Variants in LMAN1 observed in about 807,000 individuals in gnomAD.
The protein encoded by LMAN1 is protein ERGIC-53.
In LMAN1, 32 loss-of-function variants were observed where a neutral mutation model predicts 67.8. That is an observed-to-expected ratio of 0.47 (90% confidence interval 0.36 to 0.63). The LOEUF (loss-of-function observed/expected upper bound fraction) is 0.63. LMAN1 is among the 30% of genes least tolerant of loss of function. The pLI, the probability that LMAN1 is intolerant of heterozygous loss-of-function variation, is 0.00. For synonymous variants in LMAN1, 235 were observed against 219.3 expected (o/e 1.07, Z -0.63); for missense variants, 632 against 628.2 (o/e 1.01, Z -0.06).
chr18:59,333,242 T>C lies in LMAN1; in HGVS notation c.1223A>G (p.Asn408Ser). Residue 408 changes from asparagine to serine, a missense_variant and splice_region_variant, in exon 11 of 13, where the codon AAT becomes AGT. By Grantham distance (46) the Asn-to-Ser change is conservative. Transcript: ENST00000251047. ...CAGTCTGACGGTTTCACTCATGGAATTTCTGAAACAGAAAGTCTCTTGATA... is the reference window on the plus strand; with the variant it reads ...CAGTCTGACGGTTTCACTCATGGAACTTCTGAAACAGAAAGTCTCTTGATA... ...EILRQVNEMK[N>S]SMSETVRLVS... The C allele has an allele frequency of 1.9e-6, 3 of 1,613,096 alleles. No homozygotes were observed. The East Asian group carries it at 6.7e-5, about 36-fold the overall frequency.
Position 59,359,232 on chromosome 18 carries a change from T to A in LMAN1, c.13A>T (p.Arg5Trp), listed in dbSNP as rs762231414. Reference protein sequence around the residue: MAGSRQRGLRARVRP... With the variant: MAGSWQRGLRARVRP... ...ACTCTGGCCCGGAGACCCCTTTGCC[T>A]GGATCCCGCCATCTTGGATTCTGGA... The change falls in exon 1 of 13, where the codon AGG becomes TGG. Residue 5 changes from arginine to tryptophan, a missense_variant. Transcript: ENST00000251047. 6.2e-7 allele frequency: 1 copy of A among 1,613,592 alleles called. No homozygotes were observed. The highest frequency in any genetic ancestry group is 8.5e-7 in the Non-Finnish European group (1 of 1,179,766).
chr18:59,352,661 G>A (rs1386726830), intron 5 of LMAN1: 3 of 167,768 alleles, frequency 1.8e-5, no homozygotes, highest in Admixed American at 5.6e-5. Context: ...CAACTCCCAG[G>A]AACTTCCTGA....
intron 7 of LMAN1, among the ~76,000 whole-genome samples, chr18:59,346,602 C>A (rs929943389): frequency 6.6e-6 from 1 of 151,706 alleles, no homozygotes; most frequent in Non-Finnish European, 1.5e-5. Flanking sequence ...CTTACTGCAA[C>A]CTGTCCCTCC....
chr18:59,352,916 T>G, intron 5 of LMAN1: 1 of 376,504 alleles, frequency 2.7e-6, no homozygotes, highest in Non-Finnish European at 5.1e-6. Flanking sequence ...TCTATCTATC[T>G]ATCTACCTAT....
intron 5 of LMAN1, chr18:59,352,951 A>G (rs1426398079): frequency 2.2e-5 from 9 of 417,254 alleles, no homozygotes; most frequent in Middle Eastern, 7.4e-4. Context: ...ATAGATATAT[A>G]TATCTCTCAC....
At chr18:59,338,108 G>A (rs534370908) in intron 10 of LMAN1, among the ~76,000 whole-genome samples, 1 of 152,136 alleles carries the variant, frequency 6.6e-6, no homozygotes, top group Non-Finnish European at 1.5e-5. Context: ...ATGAAAAAGA[G>A]GTAGTCACAC....
chr18:59,352,894 G>A, intron 5 of LMAN1: 2 of 361,436 alleles, frequency 5.5e-6, no homozygotes, highest in Non-Finnish European at 1.1e-5. Flanking sequence ...CTGAAGGCTT[G>A]GAGATTATCC....
At position 59,359,202 on chromosome 18, in the gene LMAN1, G is replaced by C. The variant is rs145734177; in HGVS notation, c.43C>G (p.Pro15Ala). The C allele has an allele frequency of 2.5e-6, 4 of 1,614,012 alleles. No homozygotes were observed. The highest frequency in any genetic ancestry group is 1.7e-5 in the Admixed American group (1 of 60,024). ...GACAGCAGCAAGGCGCAGAACAGCG[G>C]CCGAACTCTGGCCCGGAGACCCCTT... is the stretch of plus-strand genomic sequence containing the variant. Reference protein sequence around the residue: ...RQRGLRARVRPLFCALLLSLG... With the variant: ...RQRGLRARVRALFCALLLSLG... The change falls in exon 1 of 13, where the codon CCG becomes GCG. Residue 15 changes from proline (P) to alanine (A), a missense_variant. By Grantham distance (27) the Pro-to-Ala change is conservative. Transcript: ENST00000251047.
chr18:59,343,009 T>C (rs1908321183), intron 8 of LMAN1, among the ~76,000 whole-genome samples: 1 of 149,062 alleles, frequency 6.7e-6, no homozygotes, highest in Non-Finnish European at 1.5e-5. Flanking sequence ...ATACTGATAA[T>C]GATCTAGCAG....
chr18:59,335,438 G>GA (rs556970935), intron 10 of LMAN1, among the ~76,000 whole-genome samples: 114 of 82,728 alleles, frequency 1.4e-3, no homozygotes, highest in South Asian at 3.3e-3. Context: ...CATCTCAAAA[G>GA]AAAAAAAAAA....
At chr18:59,331,324 G>A in intron 12 of LMAN1, 94 bp downstream of exon 12, 5 of 1,329,388 alleles carry the variant, frequency 3.8e-6, no homozygotes, top group Non-Finnish European at 5.3e-6. Flanking sequence ...TATAGGTGGT[G>A]AAAATTGTAT....
chr18:59,357,895 A>G (rs747933689), intron 1 of LMAN1, among the ~76,000 whole-genome samples: 11 of 151,270 alleles, frequency 7.3e-5, no homozygotes, highest in Non-Finnish European at 1.6e-4. Context: ...GGTGCAGCAC[A>G]CCAACATGGC....
At chr18:59,332,386 G>A (rs989965889) in intron 11 of LMAN1, among the ~76,000 whole-genome samples, 1 of 152,120 alleles carries the variant, frequency 6.6e-6, no homozygotes, top group Non-Finnish European at 1.5e-5. Flanking sequence ...ATATAGTTAA[G>A]AGAGTTATCA....
At chr18:59,354,635 ATTCT>A in intron 3 of LMAN1, 55 bp from the exon 4 acceptor site, 22 of 899,064 alleles carry the variant, frequency 2.4e-5, no homozygotes, top group Non-Finnish European at 3.8e-5. Context: ...ATTCTACATC[ATTCT>A]TGATGTACTA....
intron 4 of LMAN1, among the ~76,000 whole-genome samples, 179 bp from the exon 5 acceptor site, chr18:59,353,480 AC>A (rs1908591586): frequency 6.6e-6 from 1 of 152,218 alleles, no homozygotes; most frequent in African/African-American, 2.4e-5. Flanking sequence ...CTAGGGCAGA[AC>A]ATGAATCACT....
intron 1 of LMAN1, among the ~76,000 whole-genome samples, chr18:59,356,683 T>A (rs1433220855): frequency 1.3e-5 from 2 of 152,228 alleles, no homozygotes; most frequent in Non-Finnish European, 2.9e-5. Flanking sequence ...GGTGTGGGCA[T>A]CATGGAAAGA....
At chr18:59,357,832 G>T (rs779555865) in intron 1 of LMAN1, among the ~76,000 whole-genome samples, 4 of 152,030 alleles carry the variant, frequency 2.6e-5, no homozygotes, top group Non-Finnish European at 4.4e-5. Context: ...TTATGGGGGA[G>T]GTGGGAGGGA....
At position 59,330,818 on chromosome 18, in the gene LMAN1, CTTTA is replaced by C. The variant is rs535185762; in HGVS notation, c.*271_*274del. On this transcript the variant is annotated 3_prime_UTR_variant, in exon 13 of 13. Transcript: ENST00000251047. ...CATTCATATCCAGGGGTTGCCCCCA[CTTTA>C]TTTACCCTCTTACTGGTCAATATTC... 1 of 413,916 alleles carries C rather than the reference CTTTA, an allele frequency of 2.4e-6. No homozygotes were observed. Among genetic ancestry groups the C allele is most frequent in the South Asian group, 3.7e-5 (1 of 26,784 alleles). 25.6% of individuals were successfully genotyped at this position (413,916 alleles called of 1,614,324 possible).
At chr18:59,344,020 G>A (rs1908345488) in intron 8 of LMAN1, among the ~76,000 whole-genome samples, 1 of 152,036 alleles carries the variant, frequency 6.6e-6, no homozygotes, top group Admixed American at 6.5e-5. Context: ...CACGCAAGTG[G>A]CCAACAAATA....
Sources: allele counts gnomAD v4.1 joint callset (sites outside exome capture counted in the v4.1 genomes callset), GRCh38; gene constraint gnomAD v4.1.1; transcripts MANE v1.5; gene names NCBI Gene and HGNC (gene_info 2026-07-23, HGNC 2026-07-21).